The following EYS variants were observed in gnomAD, a reference collection of about 807,000 sequenced individuals.
EYS encodes EGF-like photoreceptor maintenance factor.
Under a neutral mutation model 282.1 loss-of-function variants are expected in EYS, and 250 were observed. That is an observed-to-expected ratio of 0.89 (90% CI 0.80 to 0.98). The LOEUF (loss-of-function observed/expected upper bound fraction) is 0.98. Ranked by LOEUF, EYS falls within the 50% of genes least tolerant of loss-of-function variation. The probability of loss-of-function intolerance (pLI) is 0.00; values close to 1 mark genes in which losing one functional copy is unlikely to be tolerated. For missense variants in EYS, 4,016 were observed against 3,709.0 expected, an observed-to-expected ratio of 1.08 and a Z score of -2.15; for synonymous variants, 1,355 against 1,282.9, an observed-to-expected ratio of 1.06 and a Z score of -1.20.
intron 31 of EYS, among the ~76,000 whole-genome samples, chr6:64,160,094 CT>C (rs1775058174): frequency 6.6e-6 from 1 of 152,142 alleles, no homozygotes; most frequent in African/African-American, 2.4e-5. Flanking sequence ...CACCTCTTGT[CT>C]GGCTTTTGCA....
intron 33 of EYS, among the ~76,000 whole-genome samples, chr6:64,065,222 G>A (rs1771322240): frequency 6.6e-6 from 1 of 152,110 alleles, no homozygotes; most frequent in Non-Finnish European, 1.5e-5. Context: ...TCAGACTGAT[G>A]CAGTTTCAGA....
chr6:64,503,268 GAGA>G (rs1777110182), intron 26 of EYS, among the ~76,000 whole-genome samples: 1 of 152,138 alleles, frequency 6.6e-6, no homozygotes, highest in South Asian at 2.1e-4. Context: ...TTCAAAGACA[GAGA>G]GTCCTTGGGA....
intron 26 of EYS, among the ~76,000 whole-genome samples, chr6:64,536,471 CTTGAG>C (rs1335465695): frequency 6.6e-6 from 1 of 152,144 alleles, no homozygotes; most frequent in Non-Finnish European, 1.5e-5. Flanking sequence ...TGAACCTCAA[CTTGAG>C]TTGAGTCAGT....
intron 29 of EYS, among the ~76,000 whole-genome samples, chr6:64,361,561 A>T (rs1310563201): frequency 2.6e-5 from 4 of 151,818 alleles, no homozygotes; most frequent in African/African-American, 9.7e-5. Flanking sequence ...TAAATATTCT[A>T]GTTGTATTGT....
rs116650019 is a variant in EYS at position 64,476,576 on chromosome 6, G to T, written c.5645-37224C>A. ...AAAAAGCCTCTATTAATTGAAAAAA[G>T]GTGATCATTTTGAATTTTTCTGGAT... is the stretch of plus-strand genomic sequence containing the variant. On this transcript the variant is annotated intron_variant, in intron 26 of 42. Coordinates refer to ENST00000503581, the MANE Select transcript of EYS (RefSeq NM_001142800.2). 7.4e-3 allele frequency among the ~76,000 whole-genome samples: 1,122 copies of T among 151,890 alleles called. 8 individuals carry two copies. Among genetic ancestry groups the T allele is most frequent in the African/African-American group, 0.026 (1,078 of 41,394 alleles).
At chr6:64,659,494 C>T (rs1392801276) in intron 22 of EYS, among the ~76,000 whole-genome samples, 1 of 151,316 alleles carries the variant, frequency 6.6e-6, no homozygotes, top group South Asian at 2.1e-4. Context: ...TTTAGCAAGA[C>T]TAATAAAGAA....
chr6:63,972,381 T>C (rs1250825394), intron 35 of EYS, among the ~76,000 whole-genome samples: 1 of 152,174 alleles, frequency 6.6e-6, no homozygotes, highest in Non-Finnish European at 1.5e-5. Flanking sequence ...GGTTCAGAAA[T>C]GGTTAGTGGC....
intron 8 of EYS, among the ~76,000 whole-genome samples, chr6:65,374,914 T>C (rs1011691554): frequency 1.3e-5 from 2 of 152,136 alleles, no homozygotes; most frequent in African/African-American, 4.8e-5. Flanking sequence ...CCCACCTCCC[T>C]AGGACAGAGA....
intron 7 of EYS, among the ~76,000 whole-genome samples, chr6:65,386,493 A>G (rs1765809733): frequency 6.6e-6 from 1 of 151,860 alleles, no homozygotes; most frequent in Non-Finnish European, 1.5e-5. Context: ...CTTGAAATCT[A>G]AGAAGCACTT....
intron 2 of EYS, among the ~76,000 whole-genome samples, chr6:65,561,630 A>G (rs896591209): frequency 6.6e-6 from 1 of 152,128 alleles, no homozygotes; most frequent in Non-Finnish European, 1.5e-5. Flanking sequence ...TTAAGTGTCA[A>G]CATGTACAAT....
chr6:65,200,970 G>A (rs897546016), intron 12 of EYS, among the ~76,000 whole-genome samples: 6 of 152,090 alleles, frequency 3.9e-5, no homozygotes, highest in Non-Finnish European at 8.8e-5. Context: ...AAAAATGACA[G>A]TTTTTAAAGT....
intron 12 of EYS, among the ~76,000 whole-genome samples, chr6:65,062,235 A>C (rs780831896): frequency 6.6e-6 from 1 of 151,890 alleles, no homozygotes; most frequent in East Asian, 1.9e-4. Flanking sequence ...ATGGGCAAAC[A>C]AAACTCTCTA....
At chr6:64,832,902 C>A (rs570431366) in intron 19 of EYS, among the ~76,000 whole-genome samples, 1 of 151,976 alleles carries the variant, frequency 6.6e-6, no homozygotes, top group South Asian at 2.1e-4. Context: ...TTTCAAAGGA[C>A]ATTCTTTAGT....
At chr6:63,727,994 T>A (rs1290294345) in intron 41 of EYS, among the ~76,000 whole-genome samples, 1 of 151,600 alleles carries the variant, frequency 6.6e-6, no homozygotes, top group East Asian at 1.9e-4. Flanking sequence ...CTGGTGTTTC[T>A]GACATAGGGG....
At chr6:65,622,958 A>G (rs776961514) in intron 2 of EYS, among the ~76,000 whole-genome samples, 1 of 152,096 alleles carries the variant, frequency 6.6e-6, no homozygotes. Context: ...AGATCTGTCT[A>G]TGTTGCCCAG....
chr6:63,983,795 G>C (rs769241174), intron 35 of EYS, among the ~76,000 whole-genome samples: 1 of 151,522 alleles, frequency 6.6e-6, no homozygotes, highest in Non-Finnish European at 1.5e-5. Context: ...ACTCCCTCAG[G>C]GTTGATTCAG....
chr6:64,619,354 A>G (rs774627201), intron 23 of EYS, among the ~76,000 whole-genome samples: 5 of 152,306 alleles, frequency 3.3e-5, no homozygotes, highest in South Asian at 2.1e-4. Flanking sequence ...GGCCAGTTAT[A>G]CAGACAAAGA....
At chr6:64,471,215 T>G (rs1054428933) in intron 26 of EYS, among the ~76,000 whole-genome samples, 1 of 152,154 alleles carries the variant, frequency 6.6e-6, no homozygotes, top group Non-Finnish European at 1.5e-5. Context: ...CTTACTCTTA[T>G]TTAACATAGC....
At chr6:64,387,179 T>G (rs1257164182) in intron 29 of EYS, among the ~76,000 whole-genome samples, 1 of 152,144 alleles carries the variant, frequency 6.6e-6, no homozygotes, top group Non-Finnish European at 1.5e-5. Flanking sequence ...TAAGTCTGTG[T>G]ATATGTAATA....
Sources: allele counts gnomAD v4.1 joint callset (sites outside exome capture counted in the v4.1 genomes callset), GRCh38; gene constraint gnomAD v4.1.1; transcripts MANE v1.5; gene names NCBI Gene and HGNC (gene_info 2026-07-23, HGNC 2026-07-21).